MEAK7: variants seen among roughly 807,000 people sequenced by gnomAD.
MEAK7 encodes MTOR associated protein MEAK7.
In MEAK7, 68 loss-of-function variants were observed where a neutral mutation model predicts 40.5. The observed-to-expected ratio is 1.68, with a 90% CI of 1.38 to 2.06. The LOEUF (loss-of-function observed/expected upper bound fraction) is 2.06. Ranked by LOEUF, MEAK7 falls within the 30% of genes most tolerant of loss-of-function variation. The pLI is 0.00. For synonymous variants in MEAK7, 338 were observed against 231.9 expected, an observed-to-expected ratio of 1.46 and a Z score of -4.16; for missense variants, 918 against 580.5, an observed-to-expected ratio of 1.58 and a Z score of -5.98.
At position 84,478,157 on chromosome 16, in the gene MEAK7, G is replaced by C. The variant is rs1597911577; in HGVS notation, c.*1756C>G. ...TGACAATAGGGACCTAAATTCTTTGGACTTACGGTAGAGATGCTTGAGGAT... is the reference window on the plus strand; with the variant it reads ...TGACAATAGGGACCTAAATTCTTTGCACTTACGGTAGAGATGCTTGAGGAT... On this transcript the variant is annotated 3_prime_UTR_variant, in exon 8 of 8. Transcript: ENST00000343629. The C allele has an allele frequency of 6.6e-6, 1 of 151,138 alleles. No homozygotes were observed. 9.4% of individuals were successfully genotyped at this position (151,138 alleles called of 1,614,324 possible). A position where few individuals can be genotyped will look rare whatever the true frequency, so the allele number is the denominator to read the frequency against.
intron 2 of MEAK7, chr16:84,497,710 T>A: frequency 2.1e-6 from 3 of 1,419,736 alleles, no homozygotes; most frequent in Non-Finnish European, 2.9e-6. Flanking sequence ...AGACACTGTC[T>A]ATGGCTATTT....
chr16:84,500,448 G>C (rs552369229), intron 1 of MEAK7, among the ~76,000 whole-genome samples: 2 of 152,204 alleles, frequency 1.3e-5, no homozygotes, highest in Non-Finnish European at 2.9e-5. Context: ...ACTAAAGCGA[G>C]TTATTTCTCC....
intron 1 of MEAK7, chr16:84,504,139 C>T: frequency 1.0e-6 from 1 of 985,590 alleles, no homozygotes; most frequent in Non-Finnish European, 1.2e-6. Flanking sequence ...CAGTTATCAG[C>T]TCACTGTCCT....
At chr16:84,494,712 T>TA (rs960466551) in intron 3 of MEAK7, 8 of 407,574 alleles carry the variant, frequency 2.0e-5, no homozygotes, top group African/African-American at 1.7e-4. Context: ...CACAACCTGG[T>TA]AAAAATGAGC....
intron 5 of MEAK7, chr16:84,486,332 C>T: frequency 1.5e-6 from 1 of 656,332 alleles, no homozygotes; most frequent in East Asian, 5.3e-5. Context: ...TTACCATCTC[C>T]TGGTCCCCTC....
Position 84,482,575 on chromosome 16 carries a change from G to C in MEAK7, c.1077+17C>G, listed in dbSNP as rs377451756. 6.2e-7 allele frequency: 1 copy of C among 1,614,006 alleles called. No individual in the cohort carries two copies. Among genetic ancestry groups the C allele is most frequent in the Non-Finnish European group, 8.5e-7 (1 of 1,179,900 alleles). On this transcript the variant is annotated intron_variant, in intron 6 of 7. Transcript: ENST00000343629. ...GACATCACCAAGGCAAGACCACCAC[G>C]CTCTGCCCGGGCTCACCAGTCCGTT...
Position 84,495,800 on chromosome 16 carries a change from C to T in MEAK7, c.267G>A (p.Glu89=). The change falls in exon 3 of 8, where the codon GAG becomes GAA. Residue 89 remains glutamate (E), a synonymous_variant. Coordinates refer to ENST00000343629, the MANE Select transcript of MEAK7 (RefSeq NM_020947.4). ...GGTGGGACATGGATGCTGTGAACTG[C>T]TCCTGGGACACGTTCTCACTGGGTC... ...AKGPSENVSQ[E]QFTASMSHLL... 1 of 1,614,098 alleles carries T rather than the reference C, an allele frequency of 6.2e-7. No homozygotes were observed. Among genetic ancestry groups the T allele is most frequent in the South Asian group, 1.1e-5 (1 of 91,076 alleles).
chr16:84,500,678 G>T (rs1268926383), intron 1 of MEAK7, among the ~76,000 whole-genome samples: 1 of 152,128 alleles, frequency 6.6e-6, no homozygotes, highest in African/African-American at 2.4e-5. Flanking sequence ...ACGTTTCGCA[G>T]CAGCAGAAGA....
chr16:84,497,928 T>C lies in MEAK7; in HGVS notation c.153+6A>G. Reference sequence around the variant, plus strand: ...CTAAACATGAACCACGGGTTGTTACTCTTGCCTGTAGTGCCTTCAGAGAGA... The same window carrying C: ...CTAAACATGAACCACGGGTTGTTACCCTTGCCTGTAGTGCCTTCAGAGAGA... On this transcript the variant is annotated splice_donor_region_variant and intron_variant, in intron 2 of 7. Transcript: ENST00000343629. The C allele has an allele frequency of 6.2e-7, 1 of 1,614,210 alleles. No homozygotes were observed. Among genetic ancestry groups the C allele is most frequent in the Non-Finnish European group, 8.5e-7 (1 of 1,180,028 alleles).
rs1228220601 is a variant in MEAK7, at chr16:84,498,065, C to CACGGCTTCTGCTGT, written c.8_21dup (p.Val8ThrfsTer45). 1.9e-6 allele frequency: 3 copies of CACGGCTTCTGCTGT among 1,612,984 alleles called. No individual in the cohort carries two copies. Among genetic ancestry groups the CACGGCTTCTGCTGT allele is most frequent in the Non-Finnish European group, 8.5e-7 (1 of 1,179,438 alleles). ...AACTGTGAACAAAAGCTCCGCCCCA[C>CACGGCTTCTGCTGT]ACGGCTTCTGCTGTTCCCCATCTGT... is the stretch of plus-strand genomic sequence containing the variant. On this transcript the variant is annotated frameshift_variant, in exon 2 of 8. Coordinates refer to ENST00000343629, the MANE Select transcript of MEAK7 (RefSeq NM_020947.4). LOFTEE classifies it high-confidence loss of function.
rs1427797687 is a variant in MEAK7 at position 84,477,393 on chromosome 16, G to A, written c.*2520C>T. Reference sequence around the variant, plus strand: ...TTTAGTAGAGATGGGGTTTCTCCATGTTGGTCAGGCTGGTCTCGAACTTCC... The same window carrying A: ...TTTAGTAGAGATGGGGTTTCTCCATATTGGTCAGGCTGGTCTCGAACTTCC... On this transcript the variant is annotated 3_prime_UTR_variant, in exon 8 of 8. Transcript: ENST00000343629. 6.6e-6 allele frequency: 1 copy of A among 152,044 alleles called. No homozygotes were observed. Among genetic ancestry groups the A allele is most frequent in the African/African-American group, 2.4e-5 (1 of 41,360 alleles). The allele number at this position is 152,044 out of a possible 1,614,324, so 9.4% of individuals were successfully genotyped here.
At chr16:84,503,842 G>T (rs994601286) in intron 1 of MEAK7, 2 of 787,868 alleles carry the variant, frequency 2.5e-6, no homozygotes, top group Non-Finnish European at 3.1e-6. Flanking sequence ...GTCACCTCCT[G>T]CTCAGAGCTT....
intron 1 of MEAK7, chr16:84,504,247 C>T (rs2150655056): frequency 2.7e-6 from 2 of 736,806 alleles, no homozygotes; most frequent in Non-Finnish European, 3.3e-6. Flanking sequence ...CGTGGAGGCA[C>T]CCCTCCCTTT....
At chr16:84,491,131 T>A (rs1198222760) in intron 3 of MEAK7, among the ~76,000 whole-genome samples, 6 of 152,204 alleles carry the variant, frequency 3.9e-5, no homozygotes, top group Admixed American at 2.0e-4. Flanking sequence ...ACAATTCAAA[T>A]TATTTAAATC....
At chr16:84,502,171 G>C (rs1324495200) in intron 1 of MEAK7, among the ~76,000 whole-genome samples, 2 of 152,076 alleles carry the variant, frequency 1.3e-5, no homozygotes, top group African/African-American at 4.8e-5. Flanking sequence ...ATGCACGCTG[G>C]TGCTGGTGCT....
At chr16:84,494,738 T>A in intron 3 of MEAK7, 1 of 430,182 alleles carries the variant, frequency 2.3e-6, no homozygotes, top group Non-Finnish European at 4.6e-6. Flanking sequence ...TAAAAACATA[T>A]CTGACTAGGA....
At chr16:84,500,178 T>G (rs1195212953) in intron 1 of MEAK7, 3 of 152,242 alleles carry the variant, frequency 2.0e-5, no homozygotes, top group African/African-American at 7.2e-5. Flanking sequence ...AGTATTTTGT[T>G]GTATGGATGG....
intron 3 of MEAK7, 149 bp from the exon 4 acceptor site, chr16:84,489,571 T>G (rs1913393112): frequency 1.0e-6 from 1 of 962,080 alleles, no homozygotes; most frequent in Admixed American, 3.1e-5. Flanking sequence ...TAGTTACTCG[T>G]TTTTCTAATG....
chr16:84,492,080 C>T (rs1042603657), intron 3 of MEAK7, among the ~76,000 whole-genome samples: 17 of 152,098 alleles, frequency 1.1e-4, no homozygotes, highest in Admixed American at 1.0e-3. Flanking sequence ...GACACAGGGC[C>T]TGAAATTTAA....
Sources: gnomAD v4.1 joint callset for allele counts (sites outside exome capture counted in the v4.1 genomes callset) on GRCh38, gnomAD v4.1.1 for gene constraint, MANE v1.5 for transcripts, NCBI Gene and HGNC (gene_info 2026-07-23, HGNC 2026-07-21) for gene names.